Variants in WWP1 observed in about 807,000 individuals in gnomAD.
The protein encoded by WWP1 is WW domain containing E3 ubiquitin protein ligase 1, also known as NEDD4-like E3 ubiquitin-protein ligase WWP1.
In WWP1, 49 loss-of-function variants were observed where a neutral mutation model predicts 130.6. The observed-to-expected ratio is 0.38, with a 90% CI of 0.30 to 0.48. WWP1 has a LOEUF of 0.48. Ranked by LOEUF, WWP1 falls within the 20% of genes least tolerant of loss-of-function variation. WWP1 has a pLI of 0.99. For missense variants in WWP1, 809 were observed against 1,100.6 expected, an observed-to-expected ratio of 0.74 and a Z score of 3.75; for synonymous variants, 332 against 367.8, an observed-to-expected ratio of 0.90 and a Z score of 1.11.
At chr8:86,352,135 C>T (rs904467493) in intron 1 of WWP1, among the ~76,000 whole-genome samples, 11 of 151,224 alleles carry the variant, frequency 7.3e-5, no homozygotes, top group Middle Eastern at 3.4e-3. Context: ...TAACCAACCT[C>T]CTGGGCTCAA....
In WWP1 at chr8:86,346,704, CTG is replaced by C. The variant is rs1339545457; in HGVS notation, c.-115+3776_-115+3777del. 1.9e-4 allele frequency among the ~76,000 whole-genome samples: 29 copies of C among 152,214 alleles called. No homozygotes were observed. The South Asian group carries it at 3.3e-3, about 17-fold the overall frequency. On this transcript the variant is annotated intron_variant, in intron 1 of 24. Coordinates refer to ENST00000517970, the MANE Select transcript of WWP1 (RefSeq NM_007013.4). ...TTTGATTTCATAATTATTAGAAAGA[CTG>C]TTGTTTTTTACTCTTTGTATAAAAA... is the stretch of plus-strand genomic sequence containing the variant.
At chr8:86,412,474 A>G (rs1472398269) in intron 9 of WWP1, among the ~76,000 whole-genome samples, 1 of 152,198 alleles carries the variant, frequency 6.6e-6, no homozygotes, top group Admixed American at 6.5e-5. Flanking sequence ...AATATTAATT[A>G]ATGATTAATT....
chr8:86,414,153 T>C (rs995772756), intron 9 of WWP1, among the ~76,000 whole-genome samples: 1 of 152,140 alleles, frequency 6.6e-6, no homozygotes, highest in African/African-American at 2.4e-5. Context: ...TAAAGAAATA[T>C]AGGCGAGAAT....
intron 11 of WWP1, among the ~76,000 whole-genome samples, chr8:86,429,882 C>G (rs981133236): frequency 6.6e-6 from 1 of 152,108 alleles, no homozygotes; most frequent in Non-Finnish European, 1.5e-5. Context: ...AGTTGATAGT[C>G]TCCTCTTCGT....
At chr8:86,381,004 T>G in intron 4 of WWP1, 140 bp downstream of exon 4, 2 of 1,170,298 alleles carry the variant, frequency 1.7e-6, no homozygotes, top group Non-Finnish European at 2.2e-6. Flanking sequence ...TATGGAGAAA[T>G]TTTTGGTTAA....
chr8:86,461,822 C>T lies in WWP1; in HGVS notation c.2645C>T (p.Thr882Ile), dbSNP rs773330160. ...KFCIEKVGKD[T>I]WLPRSHTCFN... is the part of the protein sequence containing the mutation. The stretch of plus-strand genomic sequence containing the variant: ...TGCATTGAAAAAGTTGGCAAAGACA[C>T]TTGGTTACCAAGAAGCCATACATGG... The change falls in exon 24 of 25, where the codon ACT becomes ATT. Residue 882 changes from threonine to isoleucine, a missense_variant. By Grantham distance (89) the Thr-to-Ile change is moderately conservative (BLOSUM62 -1). This residue lies in a region of WWP1 where 450 missense variants were observed against 674.2 expected (regional missense o/e 0.67). Coordinates refer to ENST00000517970, the MANE Select transcript of WWP1 (RefSeq NM_007013.4). The T allele has an allele frequency of 5.6e-6, 9 of 1,613,810 alleles. No individual in the cohort carries two copies. Among genetic ancestry groups the T allele is most frequent in the Non-Finnish European group, 6.8e-6 (8 of 1,179,910 alleles).
chr8:86,350,747 G>C (rs778283523), intron 1 of WWP1, among the ~76,000 whole-genome samples: 13 of 152,174 alleles, frequency 8.5e-5, no homozygotes, highest in Non-Finnish European at 1.5e-4. Flanking sequence ...TTTGATAGCT[G>C]TTCAGTATAC....
At chr8:86,443,004 C>T (rs1231073009) in intron 18 of WWP1, among the ~76,000 whole-genome samples, 1 of 152,016 alleles carries the variant, frequency 6.6e-6, no homozygotes. Flanking sequence ...TTTAAAAGTC[C>T]TTTCATTTTT....
At chr8:86,417,949 T>C (rs1489101943) in intron 9 of WWP1, among the ~76,000 whole-genome samples, 2 of 152,160 alleles carry the variant, frequency 1.3e-5, no homozygotes, top group Non-Finnish European at 2.9e-5. Context: ...ACAGTGGCCT[T>C]ATGTAAAAAA....
At chr8:86,461,026 A>T (rs566153532) in intron 22 of WWP1, among the ~76,000 whole-genome samples, 198 bp from the exon 23 acceptor site, 1 of 151,454 alleles carries the variant, frequency 6.6e-6, no homozygotes, top group African/African-American at 2.4e-5. Context: ...AGCCAGGATG[A>T]TCTCGATCTC....
At chr8:86,416,704 T>G (rs1808908377) in intron 9 of WWP1, among the ~76,000 whole-genome samples, 1 of 152,112 alleles carries the variant, frequency 6.6e-6, no homozygotes, top group South Asian at 2.1e-4. Flanking sequence ...GAAGGTGAAG[T>G]GTGGCAGTTA....
In WWP1 at chr8:86,467,875, T is replaced by C. The variant is rs1173122572; in HGVS notation, c.*982T>C. On this transcript the variant is annotated 3_prime_UTR_variant, in exon 25 of 25. Coordinates refer to ENST00000517970, the MANE Select transcript of WWP1 (RefSeq NM_007013.4). ...CTCTAATATAAGGCTAATGATTTTCTGTTAGTGTTTGAATATCTTCATTCC... is the reference window on the plus strand; with the variant it reads ...CTCTAATATAAGGCTAATGATTTTCCGTTAGTGTTTGAATATCTTCATTCC... The C allele has an allele frequency of 6.6e-6, 1 of 152,478 alleles. No individual in the cohort carries two copies. The highest frequency in any genetic ancestry group is 2.4e-5 in the African/African-American group (1 of 41,472). The allele number at this position is 152,478 out of a possible 1,614,324, so 9.4% of individuals were successfully genotyped here.
chr8:86,385,345 G>A (rs1825218886), intron 5 of WWP1, among the ~76,000 whole-genome samples: 1 of 152,102 alleles, frequency 6.6e-6, no homozygotes, highest in Non-Finnish European at 1.5e-5. Flanking sequence ...AGTGAAAGAG[G>A]AATCTCCTGA....
chr8:86,456,178 A>G (rs1811432764), intron 21 of WWP1, among the ~76,000 whole-genome samples: 1 of 151,966 alleles, frequency 6.6e-6, no homozygotes, highest in African/African-American at 2.4e-5. Context: ...TGAATGTGAA[A>G]GTGAAAAACA....
At chr8:86,429,890 C>T (rs920107837) in intron 11 of WWP1, among the ~76,000 whole-genome samples, 3 of 152,090 alleles carry the variant, frequency 2.0e-5, no homozygotes, top group Admixed American at 6.6e-5. Flanking sequence ...GTCTCCTCTT[C>T]GTGACATTTT....
Position 86,468,280 on chromosome 8 carries a change from A to C in WWP1, c.*1387A>C. ...AAAAACAGTAATTATTGTTTTGCCA[A>C]AATTTTATTTTTCTACATATTGAGA... On this transcript the variant is annotated 3_prime_UTR_variant, in exon 25 of 25. Coordinates refer to ENST00000517970, the MANE Select transcript of WWP1 (RefSeq NM_007013.4). The C allele has an allele frequency of 2.5e-6, 1 of 401,014 alleles. No homozygotes were observed. The highest frequency in any genetic ancestry group is 4.8e-6 in the Non-Finnish European group (1 of 208,454). 24.8% of individuals were successfully genotyped at this position (401,014 alleles called of 1,614,324 possible).
intron 5 of WWP1, among the ~76,000 whole-genome samples, chr8:86,391,217 C>T (rs1807319462): frequency 6.6e-6 from 1 of 152,162 alleles, no homozygotes; most frequent in Non-Finnish European, 1.5e-5. Context: ...ACTCCTTAAC[C>T]TTCATCTGTT....
At chr8:86,398,200 T>A in intron 5 of WWP1, 142 bp from the exon 6 acceptor site, 1 of 868,270 alleles carries the variant, frequency 1.2e-6, no homozygotes, top group South Asian at 2.2e-5. Context: ...GAGGAATTAC[T>A]TAACTAGTTG....
chr8:86,393,941 A>G (rs1807495819), intron 5 of WWP1, among the ~76,000 whole-genome samples: 1 of 152,196 alleles, frequency 6.6e-6, no homozygotes, highest in Admixed American at 6.5e-5. Flanking sequence ...TGGAGTACTC[A>G]CCATGGGAAA....
Sources: allele counts gnomAD v4.1 joint callset (sites outside exome capture counted in the v4.1 genomes callset), GRCh38; gene constraint gnomAD v4.1.1; regional missense constraint gnomAD v4.1.1; transcripts MANE v1.5; gene names NCBI Gene and HGNC (gene_info 2026-07-23, HGNC 2026-07-21).